PDIA5: variants seen among roughly 807,000 people sequenced by gnomAD.
The protein encoded by PDIA5 is protein disulfide-isomerase A5.
PDIA5 carries 58 observed loss-of-function variants against 77.6 expected under a neutral mutation model. The ratio of observed to expected loss-of-function variants is 0.75; its 90% confidence interval spans 0.61 to 0.93. PDIA5 has a LOEUF of 0.93. Ranked by LOEUF, PDIA5 falls within the 40% of genes least tolerant of loss-of-function variation. The probability of loss-of-function intolerance (pLI) is 0.00; values close to 1 mark genes in which losing one functional copy is unlikely to be tolerated. For missense variants in PDIA5, 630 were observed against 647.7 expected (o/e 0.97, Z 0.30); for synonymous variants, 250 against 252.1 (o/e 0.99, Z 0.08).
intron 8 of PDIA5, among the ~76,000 whole-genome samples, chr3:123,118,346 A>C (rs71330982): frequency 1.3e-5 from 2 of 152,194 alleles, no homozygotes; most frequent in African/African-American, 4.8e-5. Flanking sequence ...TTAATTACCC[A>C]CAGTATTCTC....
At chr3:123,069,332 A>G (rs1385717755) in intron 1 of PDIA5, among the ~76,000 whole-genome samples, 1 of 152,208 alleles carries the variant, frequency 6.6e-6, no homozygotes, top group Non-Finnish European at 1.5e-5. Flanking sequence ...GTGTACAGGG[A>G]TATACACCCA....
At chr3:123,107,176 A>G (rs1934756448) in intron 6 of PDIA5, among the ~76,000 whole-genome samples, 1 of 152,144 alleles carries the variant, frequency 6.6e-6, no homozygotes, top group African/African-American at 2.4e-5. Flanking sequence ...TTGGCTTTAC[A>G]TCTTGTTTTT....
At chr3:123,127,713 T>C (rs772384473) in intron 10 of PDIA5, among the ~76,000 whole-genome samples, 64 of 152,314 alleles carry the variant, frequency 4.2e-4, no homozygotes, top group Admixed American at 7.2e-4. Flanking sequence ...CCCTAGAAAA[T>C]AAATCTTAAT....
intron 8 of PDIA5, among the ~76,000 whole-genome samples, chr3:123,118,557 G>T (rs891557263): frequency 7.9e-5 from 12 of 152,108 alleles, no homozygotes; most frequent in Non-Finnish European, 1.6e-4. Context: ...GCCAAACTCA[G>T]TATTCTTCTA....
intron 11 of PDIA5, among the ~76,000 whole-genome samples, chr3:123,135,293 G>A (rs1935471694): frequency 6.6e-6 from 1 of 152,112 alleles, no homozygotes; most frequent in Admixed American, 6.5e-5. Context: ...GGGGAGCAAG[G>A]GGGGCATCCC....
chr3:123,121,241 T>C (rs1419242170), intron 8 of PDIA5, among the ~76,000 whole-genome samples: 2 of 152,176 alleles, frequency 1.3e-5, no homozygotes, highest in Admixed American at 6.5e-5. Context: ...AATCTTACTC[T>C]CCTCTGAGTG....
At chr3:123,098,790 C>A (rs1400389486) in intron 3 of PDIA5, among the ~76,000 whole-genome samples, 2 of 152,132 alleles carry the variant, frequency 1.3e-5, no homozygotes, top group Non-Finnish European at 2.9e-5. Flanking sequence ...CACTGCCAGC[C>A]CTTTCTCCAT....
intron 14 of PDIA5, among the ~76,000 whole-genome samples, chr3:123,152,006 T>TGCC (rs1935920904): frequency 7.4e-6 from 1 of 135,134 alleles, no homozygotes; most frequent in African/African-American, 3.6e-5. Flanking sequence ...CCTTCCTTCC[T>TGCC]TCCTTCCTTC....
At chr3:123,128,743 G>A (rs886316468) in intron 10 of PDIA5, among the ~76,000 whole-genome samples, 1 of 152,046 alleles carries the variant, frequency 6.6e-6, no homozygotes, top group East Asian at 1.9e-4. Context: ...AAATTTTAAG[G>A]TGCTTAAAAA....
chr3:123,096,282 T>A (rs1255870909), intron 3 of PDIA5, among the ~76,000 whole-genome samples: 2 of 152,160 alleles, frequency 1.3e-5, no homozygotes, highest in East Asian at 3.9e-4. Flanking sequence ...CATTGCAGAC[T>A]TGACCTCCCG....
Position 123,118,237 on chromosome 3 carries a change from C to T in PDIA5, c.609+1939C>T, listed in dbSNP as rs762416293. Among the ~76,000 whole-genome samples the T allele has an allele frequency of 9.5e-4, 145 of 152,176 alleles. 1 individual carries two copies. Among genetic ancestry groups the T allele is most frequent in the Non-Finnish European group, 1.8e-3 (120 of 68,036 alleles). On this transcript the variant is annotated intron_variant, in intron 8 of 16. Transcript: ENST00000316218. ...TAGTAACTTGCCTGGAGACATTGGC[C>T]TTGGGGCACACATACATCACCCCAG...
intron 3 of PDIA5, among the ~76,000 whole-genome samples, chr3:123,099,897 G>A (rs1384052895): frequency 6.6e-6 from 1 of 152,248 alleles, no homozygotes; most frequent in African/African-American, 2.4e-5. Context: ...CATGGGGTGG[G>A]GATTCTCCTG....
intron 13 of PDIA5, among the ~76,000 whole-genome samples, chr3:123,147,757 C>G (rs557928163): frequency 6.6e-6 from 1 of 152,226 alleles, no homozygotes; most frequent in Non-Finnish European, 1.5e-5. Context: ...TTGCTTACCC[C>G]TCAAGGCCTT....
intron 3 of PDIA5, among the ~76,000 whole-genome samples, chr3:123,097,374 A>G (rs566918818): frequency 1.5e-4 from 23 of 152,190 alleles, no homozygotes; most frequent in African/African-American, 5.1e-4. Context: ...ACATGTCTGC[A>G]GAGAAGCCAT....
chr3:123,096,581 C>T (rs1310253788), intron 3 of PDIA5, among the ~76,000 whole-genome samples: 1 of 152,090 alleles, frequency 6.6e-6, no homozygotes, highest in Non-Finnish European at 1.5e-5. Flanking sequence ...TCTGACTCTT[C>T]CTCCCTATTC....
At chr3:123,147,519 G>T (rs1399976855) in intron 13 of PDIA5, among the ~76,000 whole-genome samples, 1 of 152,084 alleles carries the variant, frequency 6.6e-6, no homozygotes, top group African/African-American at 2.4e-5. Context: ...GTGTGAATGG[G>T]ACCCTCAGCC....
At chr3:123,112,751 G>A (rs1002345943) in intron 7 of PDIA5, among the ~76,000 whole-genome samples, 31 of 151,806 alleles carry the variant, frequency 2.0e-4, no homozygotes, top group African/African-American at 7.3e-4. Flanking sequence ...GTAGAGATGG[G>A]GCTTCACCAT....
intron 12 of PDIA5, 105 bp downstream of exon 12, chr3:123,145,697 C>A: frequency 1.1e-6 from 1 of 904,518 alleles, no homozygotes; most frequent in Non-Finnish European, 1.8e-6. Flanking sequence ...TCCCGTGGTC[C>A]GTGGAGGCCA....
intron 11 of PDIA5, among the ~76,000 whole-genome samples, chr3:123,138,740 G>T (rs1024990715): frequency 1.5e-4 from 23 of 152,216 alleles, no homozygotes; most frequent in African/African-American, 5.5e-4. Flanking sequence ...GAGCTCTGAG[G>T]TCTCTGTAGG....
Sources: allele counts gnomAD v4.1 joint callset (sites outside exome capture counted in the v4.1 genomes callset), GRCh38; gene constraint gnomAD v4.1.1; transcripts MANE v1.5; gene names NCBI Gene and HGNC (gene_info 2026-07-23, HGNC 2026-07-21).